The following STARD3 variants were observed in gnomAD, a reference collection of about 807,000 sequenced individuals.
STARD3 encodes StAR related lipid transfer domain containing 3, also known as stAR-related lipid transfer protein 3.
In STARD3, 39 loss-of-function variants were observed where a neutral mutation model predicts 62.0. The ratio of observed to expected loss-of-function variants is 0.63; its 90% CI spans 0.49 to 0.82. The LOEUF is 0.82. Among genes scored for constraint, STARD3 ranks in the 40% least tolerant of loss-of-function variants. STARD3 has a pLI of 0.00. For synonymous variants in STARD3, 229 were observed against 242.4 expected (o/e 0.94, Z 0.51); for missense variants, 543 against 584.5 (o/e 0.93, Z 0.73).
chr17:39,639,078 T>C (rs957775340), intron 1 of STARD3, among the ~76,000 whole-genome samples: 1 of 152,222 alleles, frequency 6.6e-6, no homozygotes, highest in Non-Finnish European at 1.5e-5. Context: ...CACTGCACTC[T>C]AGTGTGAGGG....
rs1390319437 is a variant in STARD3 at position 39,661,069 on chromosome 17, A to G, written c.1123A>G (p.Thr375Ala). The G allele has an allele frequency of 6.2e-7, 1 of 1,613,460 alleles. No homozygotes were observed. Among genetic ancestry groups the G allele is most frequent in the Admixed American group, 1.7e-5 (1 of 59,996 alleles). ...IATSHSAKPP[T>A]HKYVRGENGP... ...CACCTCACACAGTGCCAAGCCCCCG[A>G]CGCACAAATATGTCCGGTGAGCCTC... The change falls in exon 13 of 15, where the codon ACG (threonine) becomes GCG (alanine). Residue 375 changes from threonine to alanine, a missense_variant. Transcript: ENST00000336308.
rs1358267302 is a variant in STARD3, at chr17:39,663,774, A to G, written c.*866A>G. The stretch of plus-strand genomic sequence containing the variant: ...CTAGTCCAGGAATGGAGGTGGGGGT[A>G]TGGGCACCTGGCAGTGCCCACAGCA... On this transcript the variant is annotated 3_prime_UTR_variant, in exon 15 of 15. Transcript: ENST00000336308. 6.6e-6 allele frequency among the ~76,000 whole-genome samples: 1 copy of G among 152,080 alleles called. No homozygotes were observed. Among genetic ancestry groups the G allele is most frequent in the Non-Finnish European group, 1.5e-5 (1 of 67,990 alleles).
At position 39,645,881 on chromosome 17, in the gene STARD3, C is replaced by CTT. The variant is rs71147368; in HGVS notation, c.-51-7573_-51-7572dup. ...ATCCCTGTGACATAGGGATTCTTGCCTTTTTTTTTTTTTTTTTTTTTTTTT... is the reference window on the plus strand; with the variant it reads ...ATCCCTGTGACATAGGGATTCTTGCCTTTTTTTTTTTTTTTTTTTTTTTTTTT... On this transcript the variant is annotated intron_variant, in intron 1 of 14. Coordinates refer to ENST00000336308, the MANE Select transcript of STARD3 (RefSeq NM_006804.4). 2.6e-3 allele frequency among the ~76,000 whole-genome samples: 143 copies of CTT among 55,670 alleles called. 33 individuals are homozygous for CTT. The highest frequency in any genetic ancestry group is 0.012 in the African/African-American group (134 of 11,224). The allele number at this position is 55,670 out of a possible 152,430, so 36.5% of individuals were successfully genotyped here.
At chr17:39,654,167 ATCATTCAT>A (rs3029514) in intron 2 of STARD3, among the ~76,000 whole-genome samples, 1,862 of 151,394 alleles carry the variant, frequency 0.012, 19 homozygotes, top group South Asian at 0.021. Context: ...CGTTTGTTCG[ATCATTCAT>A]TCATTCATTC....
At chr17:39,662,134 C>G in intron 13 of STARD3, 117 bp from the exon 14 acceptor site, 2 of 897,736 alleles carry the variant, frequency 2.2e-6, no homozygotes, top group Non-Finnish European at 3.5e-6. Flanking sequence ...CTCTGCCTTT[C>G]TGCTTCCAGC....
intron 9 of STARD3, 144 bp downstream of exon 9, chr17:39,659,697 G>T: frequency 1.2e-6 from 1 of 848,468 alleles, no homozygotes; most frequent in Admixed American, 2.6e-5. Context: ...CCTCGGGTCG[G>T]CAGGAGGCTG....
At chr17:39,662,167 T>C (rs780509341) in intron 13 of STARD3, 84 bp from the exon 14 acceptor site, 8 of 1,238,264 alleles carry the variant, frequency 6.5e-6, no homozygotes, top group Non-Finnish European at 9.3e-6. Context: ...GGGCCAAGAA[T>C]GGAGTGTGAG....
chr17:39,656,972 TCTACCTG>T lies in STARD3; in HGVS notation c.220-34_220-28del, dbSNP rs1567859236. On this transcript the variant is annotated intron_variant, in intron 2 of 14. Coordinates refer to ENST00000336308, the MANE Select transcript of STARD3 (RefSeq NM_006804.4). Reference sequence around the variant, plus strand: ...TGAGGGGCAGCCCCAGGCCCTTGCTTCTACCTGCAGAGCTCTTCCTGTCTCCCTCTCA... The same window carrying T: ...TGAGGGGCAGCCCCAGGCCCTTGCTTCAGAGCTCTTCCTGTCTCCCTCTCA... The T allele has an allele frequency of 1.9e-6, 3 of 1,611,432 alleles. No homozygotes were observed. In the South Asian group the frequency reaches 3.3e-5, roughly 18 times the overall value.
At chr17:39,648,510 T>C (rs989497684) in intron 1 of STARD3, among the ~76,000 whole-genome samples, 1 of 151,908 alleles carries the variant, frequency 6.6e-6, no homozygotes, top group Non-Finnish European at 1.5e-5. Flanking sequence ...CCACTGACTT[T>C]CCCCCAGATA....
At position 39,660,998 on chromosome 17, in the gene STARD3, G is replaced by A. The variant is rs768273573; in HGVS notation, c.1052G>A (p.Arg351Gln). 15 of 1,613,740 alleles carry A rather than the reference G, an allele frequency of 9.3e-6. No homozygotes were observed. The highest frequency in any genetic ancestry group is 1.3e-5 in the African/African-American group (1 of 75,030). The part of the protein sequence containing the change: ...VVSPRDFVNV[R>Q]RIERRRDRYL... ...TCCCGCAGGGACTTCGTGAATGTCC[G>A]GCGCATTGAGCGGCGCAGGGACCGA... Residue 351 changes from arginine to glutamine, a missense_variant, in exon 13 of 15, where the codon CGG becomes CAG. By Grantham distance (43) the Arg-to-Gln change is conservative. Transcript: ENST00000336308. The surrounding 1 kb of genome is among the most constrained non-coding windows in gnomAD (Gnocchi z 4.8).
Position 39,653,369 on chromosome 17 carries a change from G to A in STARD3, c.-51-112G>A. On this transcript the variant is annotated intron_variant, in intron 1 of 14. Transcript: ENST00000336308. ...TGGGCAACAGTGCCCTGGGCCCTGG[G>A]CTTGGGACCCAGTGTAGAGACAAAT... The A allele has an allele frequency of 8.2e-6, 6 of 733,406 alleles. No homozygotes were observed. The South Asian group carries it at 1.1e-4, about 14-fold the overall frequency. The allele number at this position is 733,406 out of a possible 1,614,324, so 45.4% of individuals were successfully genotyped here.
At position 39,653,409 on chromosome 17, in the gene STARD3, G is replaced by T. The variant is rs138122601; in HGVS notation, c.-51-72G>T. 3 of 1,037,994 alleles carry T rather than the reference G, an allele frequency of 2.9e-6. No individual in the cohort carries two copies. In the East Asian group the frequency reaches 7.8e-5, roughly 27 times the overall value. 64.3% of individuals were successfully genotyped at this position (1,037,994 alleles called of 1,614,324 possible). A position where few individuals can be genotyped will look rare whatever the true frequency, so the allele number is the denominator to read the frequency against. On this transcript the variant is annotated intron_variant, in intron 1 of 14. Coordinates refer to ENST00000336308, the MANE Select transcript of STARD3 (RefSeq NM_006804.4). ...TAGAGACAAATGCGTTTGGGAGCCA[G>T]TGGTGGCCCTGGTGGCTGTGTGGGA...
intron 13 of STARD3, among the ~76,000 whole-genome samples, chr17:39,661,652 A>G (rs2057199956): frequency 6.6e-6 from 1 of 151,896 alleles, no homozygotes; most frequent in South Asian, 2.1e-4. Flanking sequence ...ACTCTTCCCC[A>G]TCCCCTCCTG....
chr17:39,660,749 TC>T lies in STARD3; in HGVS notation c.955-58del. Reference sequence around the variant, plus strand: ...CAGTTAGTAAAGGGGCCTGGGGTGTTCCCATCCCTGGGGTTTTCCTGGGGCG... The same window carrying T: ...CAGTTAGTAAAGGGGCCTGGGGTGTTCCATCCCTGGGGTTTTCCTGGGGCG... On this transcript the variant is annotated intron_variant, in intron 11 of 14. Transcript: ENST00000336308. The surrounding 1 kb of genome is among the most constrained non-coding windows in gnomAD (Gnocchi z 4.8). 14 of 1,527,990 alleles carry T rather than the reference TC, an allele frequency of 9.2e-6. No homozygotes were observed. The highest frequency in any genetic ancestry group is 1.2e-5 in the Non-Finnish European group (14 of 1,132,666). 94.7% of individuals were successfully genotyped at this position (1,527,990 alleles called of 1,614,324 possible).
intron 2 of STARD3, among the ~76,000 whole-genome samples, chr17:39,656,651 T>C (rs1237298761): frequency 6.6e-6 from 1 of 151,862 alleles, no homozygotes; most frequent in African/African-American, 2.4e-5. Flanking sequence ...GGGAGGGAGA[T>C]GGGATTCTGT....
At chr17:39,650,613 C>T (rs766220886) in intron 1 of STARD3, among the ~76,000 whole-genome samples, 31 of 152,084 alleles carry the variant, frequency 2.0e-4, no homozygotes, top group Non-Finnish European at 3.4e-4. Flanking sequence ...TTGAGACCAG[C>T]TTGGGTAACA....
In STARD3 at chr17:39,657,146, T is replaced by C. The variant is rs945548443; in HGVS notation, c.297+61T>C. 1.5e-5 allele frequency: 22 copies of C among 1,508,054 alleles called. No homozygotes were observed. The African/African-American group carries it at 2.5e-4, about 17-fold the overall frequency. The allele number at this position is 1,508,054 out of a possible 1,614,324, so 93.4% of individuals were successfully genotyped here. A position where few individuals can be genotyped will look rare whatever the true frequency, so the allele number is the denominator to read the frequency against. On this transcript the variant is annotated intron_variant, in intron 3 of 14. Transcript: ENST00000336308. ...GCAGAGAGGGAGCAGGGAAATGACT[T>C]CTGCTGGGTTCTCTTTTGGCAGCAT...
chr17:39,637,334 C>T (rs1056816214), intron 1 of STARD3, 103 bp downstream of exon 1: 2 of 152,326 alleles, frequency 1.3e-5, no homozygotes, highest in African/African-American at 4.8e-5. Context: ...TTCCGTCCGA[C>T]CCTTCCCACA....
intron 14 of STARD3, 81 bp from the exon 15 acceptor site, chr17:39,662,723 C>T (rs767127393): frequency 3.3e-5 from 44 of 1,329,998 alleles, no homozygotes; most frequent in Non-Finnish European, 4.3e-5. Context: ...TGGCCCAGAG[C>T]CCCCCTGCTG....
Sources: gnomAD v4.1 joint callset for allele counts (sites outside exome capture counted in the v4.1 genomes callset) on GRCh38, gnomAD v4.1.1 for gene constraint, Gnocchi (gnomAD v3.1) non-coding constraint, MANE v1.5 for transcripts, NCBI Gene and HGNC (gene_info 2026-07-23, HGNC 2026-07-21) for gene names.